Variants in PUM2 observed in about 807,000 individuals in gnomAD.
PUM2 encodes the protein pumilio homolog 2.
Under a neutral mutation model 124.5 loss-of-function variants are expected in PUM2, and 57 were observed. The ratio of observed to expected loss-of-function variants is 0.46; its 90% CI spans 0.37 to 0.57. PUM2 has a LOEUF of 0.57. Ranked by LOEUF, PUM2 falls within the 20% of genes least tolerant of loss-of-function variation. The pLI, the probability that PUM2 is intolerant of heterozygous loss-of-function variation, is 0.00. For synonymous variants in PUM2, 460 were observed against 446.1 expected (o/e 1.03, Z -0.39); for missense variants, 1,065 against 1,290.6 (o/e 0.83, Z 2.68).
chr2:20,272,155 A>AATGAATGAATG (rs1553367200), intron 13 of PUM2, among the ~76,000 whole-genome samples: 2 of 148,168 alleles, frequency 1.3e-5, no homozygotes, highest in African/African-American at 2.5e-5. Context: ...AGACTTCGTC[A>AATGAATGAATG]AATGAATGAA....
At chr2:20,278,079 G>A (rs533972599) in intron 13 of PUM2, among the ~76,000 whole-genome samples, 1 of 152,140 alleles carries the variant, frequency 6.6e-6, no homozygotes, top group Admixed American at 6.6e-5. Context: ...GAAGTATATG[G>A]CCCAAGCCTA....
At chr2:20,272,395 T>C (rs1009667512) in intron 13 of PUM2, among the ~76,000 whole-genome samples, 3 of 152,162 alleles carry the variant, frequency 2.0e-5, no homozygotes, top group Admixed American at 6.5e-5. Flanking sequence ...TTCCCCCTCA[T>C]TTGGATATTC....
chr2:20,275,009 A>AACAACTGT (rs1177962067), intron 13 of PUM2, among the ~76,000 whole-genome samples: 1 of 144,552 alleles, frequency 6.9e-6, no homozygotes, highest in Non-Finnish European at 1.5e-5. Flanking sequence ...TGATGTATAA[A>AACAACTGT]ACAACTGTAG....
intron 17 of PUM2, 74 bp from the exon 18 acceptor site, chr2:20,255,415 G>A (rs1439278555): frequency 1.6e-5 from 19 of 1,151,780 alleles, no homozygotes; most frequent in Non-Finnish European, 2.2e-5. Flanking sequence ...AGACTGGTTT[G>A]TTTTTTTTTT....
intron 20 of PUM2, among the ~76,000 whole-genome samples, chr2:20,252,238 G>A (rs1322668561): frequency 1.3e-5 from 2 of 152,150 alleles, no homozygotes; most frequent in African/African-American, 4.8e-5. Context: ...GGGCAACATA[G>A]CGAGACCGCA....
intron 1 of PUM2, among the ~76,000 whole-genome samples, chr2:20,339,052 C>T (rs575995124): frequency 2.2e-4 from 33 of 152,044 alleles, no homozygotes; most frequent in African/African-American, 7.2e-4. Flanking sequence ...ATGGAAGGAT[C>T]CAAATATTTA....
intron 13 of PUM2, among the ~76,000 whole-genome samples, chr2:20,269,583 A>AT (rs941859930): frequency 2.0e-5 from 3 of 152,226 alleles, no homozygotes; most frequent in African/African-American, 7.2e-5. Context: ...CAAAGTGGGC[A>AT]TATTTAAAAG....
chr2:20,261,837 G>A (rs995256197), intron 14 of PUM2, among the ~76,000 whole-genome samples: 1 of 152,174 alleles, frequency 6.6e-6, no homozygotes, highest in African/African-American at 2.4e-5. Flanking sequence ...TCTAAGCTAA[G>A]TGTTATTACA....
rs1412770953 is a variant in PUM2 at position 20,250,665 on chromosome 2, T to A, written c.*920A>T. 6.6e-6 allele frequency: 1 copy of A among 152,188 alleles called. No individual in the cohort carries two copies. Among genetic ancestry groups the A allele is most frequent in the Non-Finnish European group, 1.5e-5 (1 of 68,002 alleles). The allele number at this position is 152,188 out of a possible 1,614,324, so 9.4% of individuals were successfully genotyped here. A position where few individuals can be genotyped will look rare whatever the true frequency, so the allele number is the denominator to read the frequency against. On this transcript the variant is annotated 3_prime_UTR_variant, in exon 21 of 21. Coordinates refer to ENST00000361078, the MANE Select transcript of PUM2 (RefSeq NM_015317.5). ...TTCACTTTTCAGTGGCCCCTTTTCA[T>A]CTCTATCTGGTTCCTACTTTCTGCC...
chr2:20,323,681 T>C (rs1351696715), intron 2 of PUM2, among the ~76,000 whole-genome samples: 1 of 152,072 alleles, frequency 6.6e-6, no homozygotes, highest in African/African-American at 2.4e-5. Context: ...GAAAACCCAC[T>C]ACTTAGGAAG....
At chr2:20,286,007 C>A (rs1672630236) in intron 10 of PUM2, among the ~76,000 whole-genome samples, 1 of 152,158 alleles carries the variant, frequency 6.6e-6, no homozygotes, top group African/African-American at 2.4e-5. Context: ...AGAAAGTAAG[C>A]CAGTACGACT....
At chr2:20,310,518 T>C (rs964054546) in intron 5 of PUM2, among the ~76,000 whole-genome samples, 2 of 152,162 alleles carry the variant, frequency 1.3e-5, no homozygotes, top group Admixed American at 1.3e-4. Context: ...GATTAGGTAA[T>C]AGTGAAGAAC....
rs549084321 is a variant in PUM2 at position 20,265,987 on chromosome 2, C to A, written c.1958-2527G>T. Among the ~76,000 whole-genome samples the A allele has an allele frequency of 2.0e-5, 3 of 152,296 alleles. No homozygotes were observed. The East Asian group carries it at 5.8e-4, about 29-fold the overall frequency. On this transcript the variant is annotated intron_variant, in intron 13 of 20. Transcript: ENST00000361078. ...TCCTGCCAATAAGCAACAGGAATTT[C>A]TCCCATATCTAGGTATTCTTTTATT...
intron 1 of PUM2, among the ~76,000 whole-genome samples, chr2:20,332,282 A>AGTGTGTGTGTGTGT (rs55986830): frequency 0.014 from 2,075 of 145,388 alleles, 16 homozygotes; most frequent in Non-Finnish European, 0.019. Flanking sequence ...ATACTACTAG[A>AGTGTGTGTGTGTGT]GTGTGTGTGT....
intron 1 of PUM2, among the ~76,000 whole-genome samples, chr2:20,349,162 A>C (rs999191960): frequency 6.6e-6 from 1 of 152,238 alleles, no homozygotes; most frequent in Admixed American, 6.5e-5. Context: ...TAAGGAAAGC[A>C]TGTGTTAAAC....
Position 20,290,702 on chromosome 2 carries a change from G to A in PUM2, c.1241C>T (p.Ala414Val). 1 of 1,613,452 alleles carries A rather than the reference G, an allele frequency of 6.2e-7. No individual in the cohort carries two copies. Among genetic ancestry groups the A allele is most frequent in the Non-Finnish European group, 8.5e-7 (1 of 1,179,902 alleles). ...ACCAAAAGCCAATGTTGGATTTGCT[G>A]CTGCAGCTGCCGCAAGTGATTCTGC... Reference protein sequence around the residue: ...QQAESLAAAAAANPTLAFGQG... With the variant: ...QQAESLAAAAVANPTLAFGQG... Residue 414 changes from alanine to valine, a missense_variant, in exon 10 of 21, where the codon GCA becomes GTA. By Grantham distance (64) the Ala-to-Val change is moderately conservative. Around this residue, in one of 3 missense-constraint regions of PUM2, gnomAD observed 968 missense variants for 1,159.8 expected, o/e 0.83. Transcript: ENST00000361078.
intron 2 of PUM2, among the ~76,000 whole-genome samples, chr2:20,321,321 G>A (rs1186297535): frequency 6.6e-6 from 1 of 152,022 alleles, no homozygotes; most frequent in East Asian, 1.9e-4. Flanking sequence ...AACGCAAATT[G>A]TTTACCTGGG....
Position 20,292,269 on chromosome 2 carries a change from C to T in PUM2, c.1153-1479G>A, listed in dbSNP as rs527514019. Among the ~76,000 whole-genome samples, 231 of 151,286 alleles carry T rather than the reference C, an allele frequency of 1.5e-3. 2 individuals are homozygous for T. Among genetic ancestry groups the T allele is most frequent in the African/African-American group, 5.4e-3 (223 of 41,204 alleles). The stretch of plus-strand genomic sequence containing the variant: ...TGCACGGAGCCCCAGAGCTTAGCGC[C>T]GTCAGGCCCATGGCTGACAGTTGGT... On this transcript the variant is annotated intron_variant, in intron 9 of 20. Coordinates refer to ENST00000361078, the MANE Select transcript of PUM2 (RefSeq NM_015317.5).
intron 8 of PUM2, among the ~76,000 whole-genome samples, chr2:20,294,928 C>T (rs1675160266): frequency 6.6e-6 from 1 of 152,166 alleles, no homozygotes; most frequent in East Asian, 1.9e-4. Context: ...AAATATTTTA[C>T]TTTCCAATCT....
Sources: allele counts gnomAD v4.1 joint callset (sites outside exome capture counted in the v4.1 genomes callset), GRCh38; gene constraint gnomAD v4.1.1; regional missense constraint gnomAD v4.1.1; transcripts MANE v1.5; gene names NCBI Gene and HGNC (gene_info 2026-07-23, HGNC 2026-07-21).